Variants in TRAPPC9 observed in about 807,000 individuals in gnomAD.
The protein encoded by TRAPPC9 is IKK2 binding protein.
In TRAPPC9, 83 loss-of-function variants were observed where a neutral mutation model predicts 124.0. The ratio of observed to expected loss-of-function variants is 0.67; its 90% confidence interval spans 0.56 to 0.80. TRAPPC9 has a LOEUF of 0.80. Among genes scored for constraint, TRAPPC9 ranks in the 30% least tolerant of loss-of-function variants. The pLI, the probability that TRAPPC9 is intolerant of heterozygous loss-of-function variation, is 0.00. For synonymous variants in TRAPPC9, 638 were observed against 617.5 expected (o/e 1.03, Z -0.49); for missense variants, 1,302 against 1,508.3 (o/e 0.86, Z 2.27).
chr8:140,236,024 T>C (rs749186291), intron 16 of TRAPPC9, among the ~76,000 whole-genome samples: 34 of 151,844 alleles, frequency 2.2e-4, no homozygotes, highest in Admixed American at 1.1e-3. Flanking sequence ...AGTATACAGT[T>C]GTGACACTTT....
intron 14 of TRAPPC9, among the ~76,000 whole-genome samples, chr8:140,278,030 T>C (rs913229879): frequency 1.3e-5 from 2 of 152,186 alleles, no homozygotes; most frequent in African/African-American, 4.8e-5. Context: ...CCGAGCACTC[T>C]GTGGGCTCAG....
At chr8:139,848,818 C>T (rs1352762208) in intron 21 of TRAPPC9, among the ~76,000 whole-genome samples, 3 of 152,200 alleles carry the variant, frequency 2.0e-5, no homozygotes, top group Admixed American at 2.0e-4. Context: ...GCGTTTGCTT[C>T]GCCAACTCTA....
At chr8:140,389,104 T>C (rs2068847916) in intron 7 of TRAPPC9, among the ~76,000 whole-genome samples, 1 of 151,548 alleles carries the variant, frequency 6.6e-6, no homozygotes. Flanking sequence ...ATTACAGGCA[T>C]GCGCTACTAT....
At chr8:139,732,310 G>T in intron 21 of TRAPPC9, 108 bp from the exon 22 acceptor site, 1 of 1,068,184 alleles carries the variant, frequency 9.4e-7, no homozygotes, top group Non-Finnish European at 1.3e-6. Flanking sequence ...CACTCTTCAA[G>T]GCTGCCACCC....
chr8:140,435,606 G>A (rs1040200530), intron 3 of TRAPPC9, among the ~76,000 whole-genome samples: 6 of 152,180 alleles, frequency 3.9e-5, no homozygotes, highest in East Asian at 1.9e-4. Flanking sequence ...GGCAGACTGC[G>A]CCAGGTTCTG....
At position 140,405,661 on chromosome 8, in the gene TRAPPC9, A is replaced by G; in HGVS notation, c.924T>C (p.Ser308=). The change falls in exon 6 of 23, where the codon AGT becomes AGC. Residue 308 remains serine, a synonymous_variant. Transcript: ENST00000438773. ...AGTTCTTAGCACGTCCGATCTCAGTACTGGTGTCAGGGTTGATGCCATTGG... is the reference window on the plus strand; with the variant it reads ...AGTTCTTAGCACGTCCGATCTCAGTGCTGGTGTCAGGGTTGATGCCATTGG... ...LTTNGINPDT[S]TEIGRAKNCL... The G allele has an allele frequency of 1.2e-6, 2 of 1,614,172 alleles. No individual in the cohort carries two copies. Among genetic ancestry groups the G allele is most frequent in the Admixed American group, 1.7e-5 (1 of 60,020 alleles).
At chr8:140,017,104 T>C (rs1181542990) in intron 18 of TRAPPC9, among the ~76,000 whole-genome samples, 3 of 152,232 alleles carry the variant, frequency 2.0e-5, no homozygotes, top group African/African-American at 7.2e-5. Flanking sequence ...ATTTTCTATT[T>C]ATCACCTTTT....
chr8:140,157,214 C>CTT (rs2061665009), intron 17 of TRAPPC9, among the ~76,000 whole-genome samples: 3 of 44,172 alleles, frequency 6.8e-5, no homozygotes, highest in African/African-American at 2.1e-4. Context: ...CCTCCCTTTT[C>CTT]CATTCAAAAG....
At chr8:140,083,377 G>A (rs2130039739) in intron 17 of TRAPPC9, among the ~76,000 whole-genome samples, 1 of 152,282 alleles carries the variant, frequency 6.6e-6, no homozygotes, top group South Asian at 2.1e-4. Flanking sequence ...TAACATCGCT[G>A]ACAGTCTTTA....
chr8:140,280,417 T>C (rs2065273765), intron 14 of TRAPPC9, among the ~76,000 whole-genome samples: 2 of 152,186 alleles, frequency 1.3e-5, no homozygotes, highest in South Asian at 4.2e-4. Context: ...TATTGTTTTT[T>C]TGTTTTGTTT....
chr8:139,993,447 G>T (rs182071581), intron 18 of TRAPPC9, among the ~76,000 whole-genome samples: 1 of 152,132 alleles, frequency 6.6e-6, no homozygotes, highest in South Asian at 2.1e-4. Context: ...CAGGAAATAC[G>T]GGAATTCCTG....
At chr8:139,872,013 T>C (rs746008616) in intron 21 of TRAPPC9, among the ~76,000 whole-genome samples, 2 of 151,928 alleles carry the variant, frequency 1.3e-5, no homozygotes, top group African/African-American at 2.4e-5. Flanking sequence ...GGTAGATGGG[T>C]TGGTGGGTAA....
chr8:140,114,705 G>A (rs763774437), intron 17 of TRAPPC9, among the ~76,000 whole-genome samples: 5 of 152,166 alleles, frequency 3.3e-5, no homozygotes, highest in Non-Finnish European at 5.9e-5. Context: ...GAGCAAATAT[G>A]TGGCACGTGA....
intron 17 of TRAPPC9, among the ~76,000 whole-genome samples, chr8:140,085,765 G>A (rs932508145): frequency 1.3e-5 from 2 of 152,242 alleles, no homozygotes; most frequent in African/African-American, 2.4e-5. Flanking sequence ...AGCCTCTGCT[G>A]TGGGTAATCG....
rs1381062239 is a variant in TRAPPC9, at chr8:140,252,854, A to C, written c.2354T>G (p.Val785Gly). 5.0e-6 allele frequency: 8 copies of C among 1,614,024 alleles called. No homozygotes were observed. Among genetic ancestry groups the C allele is most frequent in the Non-Finnish European group, 6.8e-6 (8 of 1,180,034 alleles). The change falls in exon 16 of 23, where the codon GTG (valine) becomes GGG (glycine). Residue 785 changes from valine (V) to glycine (G), a missense_variant. Val to Gly is a moderately radical substitution (Grantham distance 109). This residue lies in a region of TRAPPC9 where 640 missense variants were observed against 679.3 expected (regional missense o/e 0.94). Coordinates refer to ENST00000438773, the MANE Select transcript of TRAPPC9 (RefSeq NM_001160372.4). The surrounding 1 kb of genome is among the most constrained non-coding windows in gnomAD (Gnocchi z 4.2). ...TTTGATGTTGATTGTGAACGTGGCCACCTTCCCAGGCTGCAAAGGGAACTG... is the reference window on the plus strand; with the variant it reads ...TTTGATGTTGATTGTGAACGTGGCCCCCTTCCCAGGCTGCAAAGGGAACTG... ...LAQFPLQPGK[V>G]ATFTINIKVK...
At position 140,289,186 on chromosome 8, in the gene TRAPPC9, T is replaced by TA. The variant is rs1478790957; in HGVS notation, c.1855-1453_1855-1452insT. On this transcript the variant is annotated intron_variant, in intron 12 of 22. Transcript: ENST00000438773. ...TAGATATATATATAGTGTGTGTGTG[T>TA]GTGTGTGTGTGTGTGTGTGTGTGTG... 5.7e-4 allele frequency among the ~76,000 whole-genome samples: 44 copies of TA among 77,642 alleles called. No homozygotes were observed. In the East Asian group the frequency reaches 0.014, roughly 25 times the overall value. 50.9% of individuals were successfully genotyped at this position (77,642 alleles called of 152,430 possible).
chr8:140,426,544 T>C (rs375731871), intron 5 of TRAPPC9, 71 bp downstream of exon 5: 62 of 1,412,796 alleles, frequency 4.4e-5, no homozygotes, highest in Non-Finnish European at 5.9e-5. Flanking sequence ...ATTTTAACCA[T>C]TCATTCACAT....
intron 9 of TRAPPC9, among the ~76,000 whole-genome samples, chr8:140,359,230 G>A (rs935225078): frequency 6.6e-6 from 1 of 152,106 alleles, no homozygotes; most frequent in Non-Finnish European, 1.5e-5. Context: ...CTGATCCCAT[G>A]AGTACGTCCC....
chr8:139,995,113 T>A (rs1268126491), intron 18 of TRAPPC9, among the ~76,000 whole-genome samples: 1 of 152,110 alleles, frequency 6.6e-6, no homozygotes, highest in Non-Finnish European at 1.5e-5. Flanking sequence ...AAAAAATAAA[T>A]GTTAGAAGGT....
Sources: allele counts gnomAD v4.1 joint callset (sites outside exome capture counted in the v4.1 genomes callset), GRCh38; gene constraint gnomAD v4.1.1; regional missense constraint gnomAD v4.1.1; non-coding constraint Gnocchi (gnomAD v3.1); transcripts MANE v1.5; gene names NCBI Gene and HGNC (gene_info 2026-07-23, HGNC 2026-07-21).